The following TMTC2 variants were observed in gnomAD, a reference collection of about 807,000 sequenced individuals.
The protein encoded by TMTC2 is protein O-mannosyl-transferase TMTC2.
In TMTC2, 43 loss-of-function variants were observed where a neutral mutation model predicts 82.4. The ratio of observed to expected loss-of-function variants is 0.52; its 90% CI spans 0.41 to 0.67. The LOEUF (loss-of-function observed/expected upper bound fraction) is 0.67. TMTC2 is among the 30% of genes least tolerant of loss of function. The pLI is 0.00. For synonymous variants in TMTC2, 408 were observed against 381.9 expected (o/e 1.07, Z -0.80); for missense variants, 919 against 1,012.4 (o/e 0.91, Z 1.25).
chr12:83,000,621 A>G (rs376074899), intron 8 of TMTC2, among the ~76,000 whole-genome samples: 5 of 152,138 alleles, frequency 3.3e-5, no homozygotes, highest in East Asian at 3.9e-4. Flanking sequence ...TTCCAGGTGC[A>G]TGGTGCAAGC....
chr12:82,864,226 G>T (rs1262738924), intron 2 of TMTC2, among the ~76,000 whole-genome samples: 1 of 152,118 alleles, frequency 6.6e-6, no homozygotes, highest in African/African-American at 2.4e-5. Flanking sequence ...TGATATCGGG[G>T]CCTTCTGTGC....
rs566977256 is a variant in TMTC2, at chr12:82,948,500, C to T, written c.1599-16524C>T. On this transcript the variant is annotated intron_variant, in intron 4 of 11. Transcript: ENST00000321196. ...AAGCAAAAAAATATATATATAGCTT[C>T]AGACTTTCATTTTTGGAACTCATCT... Among the ~76,000 whole-genome samples the T allele has an allele frequency of 6.6e-5, 10 of 152,282 alleles. No individual in the cohort carries two copies. The East Asian group carries it at 1.9e-3, about 29-fold the overall frequency.
chr12:82,881,462 C>T (rs1287831464), intron 2 of TMTC2, among the ~76,000 whole-genome samples: 2 of 152,170 alleles, frequency 1.3e-5, no homozygotes, highest in Non-Finnish European at 2.9e-5. Context: ...TACAATTACA[C>T]AAAGATTTCA....
chr12:83,044,929 A>G (rs143118128), intron 9 of TMTC2, among the ~76,000 whole-genome samples: 1 of 152,356 alleles, frequency 6.6e-6, no homozygotes, highest in East Asian at 1.9e-4. Flanking sequence ...ATTTGAGCCT[A>G]TGGCTTAAGG....
At chr12:83,010,318 A>C (rs1398292939) in intron 8 of TMTC2, among the ~76,000 whole-genome samples, 1 of 152,182 alleles carries the variant, frequency 6.6e-6, no homozygotes. Flanking sequence ...TTTCTCAAGA[A>C]ACCAGCCATC....
At chr12:83,064,848 A>G (rs1314037910) in intron 11 of TMTC2, among the ~76,000 whole-genome samples, 1 of 151,988 alleles carries the variant, frequency 6.6e-6, no homozygotes, top group Non-Finnish European at 1.5e-5. Context: ...TTATTCATAA[A>G]AAACATTCTT....
In TMTC2 at chr12:82,965,662, A is replaced by G. The variant is rs1334552791; in HGVS notation, c.1787A>G (p.Lys596Arg). 6 of 1,613,740 alleles carry G rather than the reference A, an allele frequency of 3.7e-6. No homozygotes were observed. The Admixed American group carries it at 1.0e-4, about 27-fold the overall frequency. Reference protein sequence around the residue: ...KCSEIPDENLKDPHAHKSSVT... With the variant: ...KCSEIPDENLRDPHAHKSSVT... ...TCGGAGATCCCAGATGAAAACCTAAAGGACCCTCATGCACACAAGAGCTCT... is the reference window on the plus strand; with the variant it reads ...TCGGAGATCCCAGATGAAAACCTAAGGGACCCTCATGCACACAAGAGCTCT... Residue 596 changes from lysine (K) to arginine (R), a missense_variant, in exon 6 of 12, where the codon AAG becomes AGG. Physicochemically the swap from Lys to Arg is conservative, Grantham distance 26. Coordinates refer to ENST00000321196, the MANE Select transcript of TMTC2 (RefSeq NM_152588.3).
intron 1 of TMTC2, among the ~76,000 whole-genome samples, chr12:82,826,938 A>G (rs192157298): frequency 1.9e-3 from 288 of 152,274 alleles, no homozygotes; most frequent in African/African-American, 6.7e-3. Flanking sequence ...AATTTTATGT[A>G]TCTATTTTTT....
chr12:82,826,408 A>G (rs1376490138), intron 1 of TMTC2, among the ~76,000 whole-genome samples: 1 of 152,100 alleles, frequency 6.6e-6, no homozygotes, highest in African/African-American at 2.4e-5. Flanking sequence ...TTTTAACTTT[A>G]TGCTACTTTT....
chr12:83,083,264 C>T (rs1217972872), intron 11 of TMTC2, among the ~76,000 whole-genome samples: 1 of 152,162 alleles, frequency 6.6e-6, no homozygotes, highest in Non-Finnish European at 1.5e-5. Flanking sequence ...AGCAGATTGG[C>T]ATTATCTGTC....
chr12:82,750,489 G>C (rs1254777810), intron 1 of TMTC2, among the ~76,000 whole-genome samples: 2 of 152,060 alleles, frequency 1.3e-5, no homozygotes, highest in Non-Finnish European at 2.9e-5. Context: ...AGGGGATAGA[G>C]ATTGCATCAG....
chr12:82,928,392 A>T (rs1033409649), intron 3 of TMTC2, among the ~76,000 whole-genome samples: 1 of 152,214 alleles, frequency 6.6e-6, no homozygotes, highest in African/African-American at 2.4e-5. Context: ...TTTGTGGTAG[A>T]TATAGAATAC....
At chr12:82,970,945 G>A (rs1310916738) in intron 7 of TMTC2, among the ~76,000 whole-genome samples, 2 of 152,044 alleles carry the variant, frequency 1.3e-5, no homozygotes, top group East Asian at 3.9e-4. Context: ...GTAGGTTAGA[G>A]TTTTTTTCTT....
At chr12:82,898,221 G>C (rs1873780420) in intron 3 of TMTC2, among the ~76,000 whole-genome samples, 1 of 152,142 alleles carries the variant, frequency 6.6e-6, no homozygotes, top group African/African-American at 2.4e-5. Flanking sequence ...TAGGTGGCGA[G>C]TACTTCACAG....
At chr12:83,086,860 G>C (rs1047866293) in intron 11 of TMTC2, among the ~76,000 whole-genome samples, 4 of 152,090 alleles carry the variant, frequency 2.6e-5, no homozygotes, top group African/African-American at 9.7e-5. Context: ...AAGCATCTTG[G>C]CTCACATTAA....
At chr12:82,751,559 A>AT (rs1565734514) in intron 1 of TMTC2, among the ~76,000 whole-genome samples, 1 of 151,800 alleles carries the variant, frequency 6.6e-6, no homozygotes, top group Non-Finnish European at 1.5e-5. Flanking sequence ...AAAATAAAAT[A>AT]AAATATATAA....
At chr12:83,015,782 G>A (rs1880650587) in intron 8 of TMTC2, among the ~76,000 whole-genome samples, 1 of 152,204 alleles carries the variant, frequency 6.6e-6, no homozygotes, top group African/African-American at 2.4e-5. Flanking sequence ...GCTTCCACTA[G>A]CACACTGTAA....
At chr12:82,966,727 G>C (rs773063879) in intron 6 of TMTC2, among the ~76,000 whole-genome samples, 192 bp from the exon 7 acceptor site, 1 of 152,070 alleles carries the variant, frequency 6.6e-6, no homozygotes, top group Non-Finnish European at 1.5e-5. Flanking sequence ...TTCACTGACT[G>C]GGCTGAGTGT....
intron 11 of TMTC2, among the ~76,000 whole-genome samples, chr12:83,088,642 A>C (rs990107638): frequency 6.6e-6 from 1 of 152,240 alleles, no homozygotes; most frequent in Non-Finnish European, 1.5e-5. Flanking sequence ...TTGAGCAGTC[A>C]GAGCACACAC....
Sources: allele counts gnomAD v4.1 joint callset (sites outside exome capture counted in the v4.1 genomes callset), GRCh38; gene constraint gnomAD v4.1.1; transcripts MANE v1.5; gene names NCBI Gene and HGNC (gene_info 2026-07-23, HGNC 2026-07-21).